ABTB3: variants seen among roughly 807,000 people sequenced by gnomAD.
ABTB3 encodes ankyrin repeat- and BTB/POZ domain-containing protein 3.
chr12:107,639,290 C>T, the ABTB3 span, among the ~76,000 whole-genome samples: 1 of 152,148 alleles, frequency 6.6e-6, no homozygotes, highest in Non-Finnish European at 1.5e-5. Context: ...CTCATTAAGA[C>T]GTTTAGACTC....
chr12:107,524,808 C>G, the ABTB3 span, among the ~76,000 whole-genome samples: 1 of 152,208 alleles, frequency 6.6e-6, no homozygotes, highest in East Asian at 1.9e-4. Flanking sequence ...ACTTGAGATT[C>G]CCCACCTCTG....
At chr12:107,556,966 C>T in the ABTB3 span, among the ~76,000 whole-genome samples, 9 of 151,898 alleles carry the variant, frequency 5.9e-5, no homozygotes, top group African/African-American at 9.7e-5. Context: ...GAGCTGAGAT[C>T]GCGCCATTGC....
the ABTB3 span, among the ~76,000 whole-genome samples, chr12:107,622,740 C>G: frequency 6.6e-6 from 1 of 152,216 alleles, no homozygotes; most frequent in Non-Finnish European, 1.5e-5. Flanking sequence ...TCCCCAGGTG[C>G]TGGGATTACA....
the ABTB3 span, among the ~76,000 whole-genome samples, chr12:107,495,057 G>A: frequency 3.3e-5 from 5 of 152,168 alleles, no homozygotes; most frequent in African/African-American, 1.2e-4. Context: ...AAGGTAGGGG[G>A]TGGCCAGGAC....
chr12:107,612,474 C>T, the ABTB3 span, among the ~76,000 whole-genome samples: 2 of 152,186 alleles, frequency 1.3e-5, no homozygotes. Flanking sequence ...TTCCTAAGAG[C>T]TTTAAGTGTT....
At chr12:107,558,673 C>T in the ABTB3 span, among the ~76,000 whole-genome samples, 11 of 152,302 alleles carry the variant, frequency 7.2e-5, no homozygotes, top group South Asian at 2.3e-3. Context: ...GAGAAGGCCT[C>T]CTCTGTTCAC....
chr12:107,594,078 T>G, the ABTB3 span, among the ~76,000 whole-genome samples: 2 of 152,214 alleles, frequency 1.3e-5, no homozygotes, highest in Admixed American at 1.3e-4. Flanking sequence ...CCAGAGGGGA[T>G]GCATTAAGGG....
At chr12:107,500,567 C>G in the ABTB3 span, among the ~76,000 whole-genome samples, 1 of 152,196 alleles carries the variant, frequency 6.6e-6, no homozygotes, top group Non-Finnish European at 1.5e-5. Context: ...TCACTAAAGG[C>G]TCTGAGCCGG....
At chr12:107,569,835 C>T in the ABTB3 span, among the ~76,000 whole-genome samples, 77,791 of 152,054 alleles carry the variant, frequency 0.51, 20,066 homozygotes, top group East Asian at 0.61. Context: ...ACTTAAGCAA[C>T]GGTCAGAAGT....
At chr12:107,485,504 A>G in the ABTB3 span, among the ~76,000 whole-genome samples, 1 of 151,650 alleles carries the variant, frequency 6.6e-6, no homozygotes, top group African/African-American at 2.4e-5. Context: ...TTTTTTTGTG[A>G]CTCTGGGTCT....
the ABTB3 span, among the ~76,000 whole-genome samples, chr12:107,430,887 A>G: frequency 6.6e-6 from 1 of 152,252 alleles, no homozygotes; most frequent in Non-Finnish European, 1.5e-5. Context: ...CCTAATATTA[A>G]CCACTTTTTA....
chr12:107,557,028 T>A, the ABTB3 span, among the ~76,000 whole-genome samples: 1 of 151,998 alleles, frequency 6.6e-6, no homozygotes, highest in African/African-American at 2.4e-5. Flanking sequence ...AAAAGTGGTA[T>A]AATGATAATC....
the ABTB3 span, among the ~76,000 whole-genome samples, chr12:107,331,246 A>G: frequency 2.0e-5 from 3 of 152,108 alleles, no homozygotes; most frequent in African/African-American, 7.2e-5. Context: ...AGCCTTCTCT[A>G]TACTGACTTT....
At chr12:107,552,339 T>C in the ABTB3 span, among the ~76,000 whole-genome samples, 3 of 152,232 alleles carry the variant, frequency 2.0e-5, no homozygotes, top group Non-Finnish European at 4.4e-5. Context: ...GGGTATAAAA[T>C]GAATACACTT....
At chr12:107,434,719 CA>C in the ABTB3 span, among the ~76,000 whole-genome samples, 21 of 152,120 alleles carry the variant, frequency 1.4e-4, no homozygotes, top group African/African-American at 2.9e-4. Context: ...AAAAAATTAG[CA>C]GGTCATGGTG....
chr12:107,350,475 C>T, the ABTB3 span, among the ~76,000 whole-genome samples: 3 of 151,858 alleles, frequency 2.0e-5, no homozygotes, highest in African/African-American at 7.3e-5. Flanking sequence ...ATGGCATGAA[C>T]CCAGGAGGCG....
the ABTB3 span, among the ~76,000 whole-genome samples, chr12:107,542,676 A>T: frequency 6.6e-6 from 1 of 152,200 alleles, no homozygotes; most frequent in African/African-American, 2.4e-5. Context: ...CTTACTACTA[A>T]TATCCCACTG....
the ABTB3 span, among the ~76,000 whole-genome samples, chr12:107,511,541 C>T: frequency 2.6e-5 from 4 of 151,954 alleles, no homozygotes; most frequent in African/African-American, 9.7e-5. Flanking sequence ...TTCTTATCCT[C>T]CAGCATGCTA....
chr12:107,505,293 G>T, the ABTB3 span, among the ~76,000 whole-genome samples: 1 of 151,978 alleles, frequency 6.6e-6, no homozygotes, highest in East Asian at 1.9e-4. Flanking sequence ...TTTCAGAAAG[G>T]AGACGTAATG....
Sources: allele counts gnomAD v4.1 joint callset (sites outside exome capture counted in the v4.1 genomes callset), GRCh38; gene constraint gnomAD v4.1.1; transcripts MANE v1.5; gene names NCBI Gene and HGNC (gene_info 2026-07-23, HGNC 2026-07-21).